MYH14: variants seen among roughly 807,000 people sequenced by gnomAD.
MYH14 encodes the protein myosin heavy chain 14.
A neutral mutation model predicts 255.5 loss-of-function variants in MYH14; 123 were observed. The observed-to-expected ratio is 0.48, with a 90% CI of 0.42 to 0.56. MYH14 has a LOEUF of 0.56. MYH14 is among the 20% of genes least tolerant of loss of function. The pLI is 0.00. For missense variants in MYH14, 2,423 were observed against 2,802.3 expected, an observed-to-expected ratio of 0.86 and a Z score of 3.06; for synonymous variants, 1,095 against 1,161.2, an observed-to-expected ratio of 0.94 and a Z score of 1.16.
intron 13 of MYH14, 90 bp from the exon 14 acceptor site, chr19:50,249,560 C>CTCTGTCCCCTGTCTCTGGGTG: frequency 1.3e-6 from 2 of 1,517,506 alleles, no homozygotes; most frequent in South Asian, 1.2e-5. Context: ...CTCGATGCAT[C>CTCTGTCCCCTGTCTCTGGGTG]TCTGTCCCCT....
At chr19:50,264,587 T>TCA (rs58046022) in intron 22 of MYH14, among the ~76,000 whole-genome samples, 41,715 of 152,014 alleles carry the variant, frequency 0.27, 6,020 homozygotes, top group East Asian at 0.53. Flanking sequence ...AACAGTGACG[T>TCA]CAGTATGCAG....
At chr19:50,240,757 T>C (rs1252021964) in intron 10 of MYH14, among the ~76,000 whole-genome samples, 2 of 151,958 alleles carry the variant, frequency 1.3e-5, no homozygotes, top group African/African-American at 2.4e-5. Flanking sequence ...GGCAACAGAA[T>C]GAGATCTCAT....
rs548484315 is a variant in MYH14, at chr19:50,308,809, G to C, written c.5788-196G>C. ...CTGAGGCCATGTAGGAGACAACCTG[G>C]AGGGGAGAGACTGGAGGTCAGGGTA... On this transcript the variant is annotated intron_variant, in intron 41 of 42. Transcript: ENST00000642316. 318 of 604,120 alleles carry C rather than the reference G, an allele frequency of 5.3e-4. 3 individuals carry two copies. The highest frequency in any genetic ancestry group is 4.6e-5 in the Non-Finnish European group (16 of 344,828). The allele number at this position is 604,120 out of a possible 1,614,324, so 37.4% of individuals were successfully genotyped here.
intron 37 of MYH14, among the ~76,000 whole-genome samples, chr19:50,292,607 C>G (rs1035984234): frequency 6.6e-6 from 1 of 151,294 alleles, no homozygotes; most frequent in Non-Finnish European, 1.5e-5. Flanking sequence ...GTGTAAGGCT[C>G]GGGAGGTGGG....
At chr19:50,291,342 C>T (rs1396711392) in intron 36 of MYH14, among the ~76,000 whole-genome samples, 1 of 151,094 alleles carries the variant, frequency 6.6e-6, no homozygotes, top group Admixed American at 6.6e-5. Context: ...CATTCTGTCA[C>T]CCAGGCTGGA....
chr19:50,218,677 G>A (rs2032631873), intron 3 of MYH14, among the ~76,000 whole-genome samples: 1 of 151,896 alleles, frequency 6.6e-6, no homozygotes, highest in Non-Finnish European at 1.5e-5. Context: ...AAGTTCTTTG[G>A]TGGCGATTTC....
chr19:50,258,167 C>A (rs923576572), intron 18 of MYH14, among the ~76,000 whole-genome samples: 1 of 151,910 alleles, frequency 6.6e-6, no homozygotes, highest in South Asian at 2.1e-4. Flanking sequence ...TGAGCTCAAG[C>A]GATCCACCCG....
At chr19:50,241,151 A>T (rs1443711563) in intron 10 of MYH14, among the ~76,000 whole-genome samples, 1 of 152,038 alleles carries the variant, frequency 6.6e-6, no homozygotes, top group Non-Finnish European at 1.5e-5. Context: ...AAAGCATCAG[A>T]TGCAGCCAGG....
chr19:50,308,894 G>T, intron 41 of MYH14, 111 bp from the exon 42 acceptor site: 1 of 1,058,648 alleles, frequency 9.4e-7, no homozygotes, highest in Non-Finnish European at 1.4e-6. Context: ...GCAGAGGATG[G>T]GGCAGAGAGA....
At chr19:50,263,657 G>T (rs1217325078) in intron 22 of MYH14, among the ~76,000 whole-genome samples, 3 of 152,158 alleles carry the variant, frequency 2.0e-5, no homozygotes, top group African/African-American at 7.2e-5. Flanking sequence ...TGGATCCAGG[G>T]GTCCCCAAGA....
At position 50,271,534 on chromosome 19, in the gene MYH14, C is replaced by T. The variant is rs2035301150; in HGVS notation, c.3159C>T (p.Ser1053=). The T allele has an allele frequency of 6.2e-7, 1 of 1,605,160 alleles. No homozygotes were observed. Among genetic ancestry groups the T allele is most frequent in the Non-Finnish European group, 8.5e-7 (1 of 1,176,056 alleles). The change falls in exon 25 of 43, where the codon TCC becomes TCT. Residue 1053 remains serine, a synonymous_variant. Transcript: ENST00000642316. ...EDLLLLEDQN[S]KLSKERKLLE... ...TGCTGCTCCTGGAAGACCAGAATTC[C>T]AAGCTGAGCAAGGTTGGGGGCCTGA...
At chr19:50,287,615 G>C (rs1040445027) in intron 34 of MYH14, among the ~76,000 whole-genome samples, 1 of 152,000 alleles carries the variant, frequency 6.6e-6, no homozygotes, top group African/African-American at 2.4e-5. Flanking sequence ...GTCTTGCTGT[G>C]TTGCCCAGGC....
rs1359439149 is a variant in MYH14, at chr19:50,249,505, C to A, written c.1483-145C>A. The A allele has an allele frequency of 1.2e-5, 11 of 901,420 alleles. No homozygotes were observed. In the East Asian group the frequency reaches 2.9e-4, roughly 24 times the overall value. The allele number at this position is 901,420 out of a possible 1,614,324, so 55.8% of individuals were successfully genotyped here. ...CCCCTGTCTCTGGGTCTCTGTCCCC[C>A]TCTCTCTGGGTCTCTGTCCCCCTCT... On this transcript the variant is annotated intron_variant, in intron 13 of 42. Transcript: ENST00000642316.
intron 33 of MYH14, among the ~76,000 whole-genome samples, chr19:50,282,744 C>A (rs1376980182): frequency 6.6e-6 from 1 of 152,002 alleles, no homozygotes; most frequent in Non-Finnish European, 1.5e-5. Flanking sequence ...TTTAAATTGT[C>A]ATTTCCCTGT....
chr19:50,289,531 C>A lies in MYH14; in HGVS notation c.4848C>A (p.Ala1616=). The A allele has an allele frequency of 6.2e-7, 1 of 1,613,036 alleles. No homozygotes were observed. Among genetic ancestry groups the A allele is most frequent in the Non-Finnish European group, 8.5e-7 (1 of 1,179,598 alleles). The change falls in exon 35 of 43, where the codon GCC becomes GCA. Residue 1616 remains alanine, a synonymous_variant. Coordinates refer to ENST00000642316, the MANE Select transcript of MYH14 (RefSeq NM_001145809.2). The part of the protein sequence containing the change: ...VTELEDELTA[A]EDAKLRLEVT... ...AACTGGAGGATGAGCTGACAGCGGC[C>A]GAGGATGCCAAGCTGCGTCTGGAGG...
At chr19:50,218,600 A>G (rs1253626392) in intron 3 of MYH14, among the ~76,000 whole-genome samples, 2 of 151,922 alleles carry the variant, frequency 1.3e-5, no homozygotes, top group East Asian at 3.9e-4. Flanking sequence ...TCTGTCTCAA[A>G]AAAAAAATTA....
At chr19:50,210,305 G>A in intron 1 of MYH14, 58 bp from the exon 2 acceptor site, 2 of 1,457,334 alleles carry the variant, frequency 1.4e-6, no homozygotes, top group Non-Finnish European at 1.8e-6. Flanking sequence ...GGGTAGGGAA[G>A]GGAGGCCCGG....
In MYH14 at chr19:50,280,495, A is replaced by G; in HGVS notation, c.4290+112A>G. 1.7e-6 allele frequency: 2 copies of G among 1,180,908 alleles called. No homozygotes were observed. Among genetic ancestry groups the G allele is most frequent in the South Asian group, 1.6e-5 (1 of 61,932 alleles). 73.2% of individuals were successfully genotyped at this position (1,180,908 alleles called of 1,614,324 possible). A position where few individuals can be genotyped will look rare whatever the true frequency, so the allele number is the denominator to read the frequency against. ...GCCCACCTTCTCATAGGCCAGACCC[A>G]TGGGTGCCTTTCTCATCTCTGACTC... On this transcript the variant is annotated intron_variant, in intron 32 of 42. Coordinates refer to ENST00000642316, the MANE Select transcript of MYH14 (RefSeq NM_001145809.2). This position sits in a 1 kb window ranked among gnomAD's most constrained non-coding sequence, Gnocchi z 4.8.
Position 50,263,322 on chromosome 19 carries a change from A to C in MYH14, c.2596A>C (p.Lys866Gln). The C allele has an allele frequency of 6.4e-7, 1 of 1,558,480 alleles. No individual in the cohort carries two copies. Among genetic ancestry groups the C allele is most frequent in the Non-Finnish European group, 8.7e-7 (1 of 1,150,928 alleles). ...RGYLARRAFQ[K>Q]RQQQQSALRV... The stretch of plus-strand genomic sequence containing the variant: ...CATTTCCCCACCCAGGGCCTTCCAG[A>C]AGCGCCAGCAGCAGCAGAGCGCCCT... The change falls in exon 22 of 43, where the codon AAG (lysine) becomes CAG (glutamine). Residue 866 changes from lysine (K) to glutamine (Q), a missense_variant. By Grantham distance (53) the Lys-to-Gln change is moderately conservative. Around this residue, in one of 3 missense-constraint regions of MYH14, gnomAD observed 1,513 missense variants for 1,674.8 expected, o/e 0.90. Transcript: ENST00000642316.
Sources: gnomAD v4.1 joint callset for allele counts (sites outside exome capture counted in the v4.1 genomes callset) on GRCh38, gnomAD v4.1.1 for gene constraint, gnomAD v4.1.1 regional missense constraint, Gnocchi (gnomAD v3.1) non-coding constraint, MANE v1.5 for transcripts, NCBI Gene and HGNC (gene_info 2026-07-23, HGNC 2026-07-21) for gene names.